The following PLPPR1 variants were observed in gnomAD, a reference collection of about 807,000 sequenced individuals.
PLPPR1 encodes the protein phospholipid phosphatase related 1.
PLPPR1 carries 10 observed loss-of-function variants against 33.1 expected under a neutral mutation model. That is an observed-to-expected ratio of 0.30 (90% CI 0.19 to 0.51). The LOEUF is 0.51. Among genes scored for constraint, PLPPR1 ranks in the 20% least tolerant of loss-of-function variants. The probability of loss-of-function intolerance (pLI) is 0.97; values close to 1 mark genes in which losing one functional copy is unlikely to be tolerated. For synonymous variants in PLPPR1, 151 were observed against 151.0 expected (o/e 1.00, Z 0.00); for missense variants, 304 against 408.1 (o/e 0.74, Z 2.20).
chr9:101,040,990 A>G (rs1830071126), intron 1 of PLPPR1, among the ~76,000 whole-genome samples: 1 of 152,196 alleles, frequency 6.6e-6, no homozygotes, highest in African/African-American at 2.4e-5. Flanking sequence ...AACGCAGGAG[A>G]GCAAGAGAAC....
At chr9:101,197,353 A>T (rs12346158) in intron 2 of PLPPR1, among the ~76,000 whole-genome samples, 19,604 of 152,142 alleles carry the variant, frequency 0.13, 1,517 homozygotes, top group East Asian at 0.3. Flanking sequence ...TCTCACTGTC[A>T]CCTGAACATC....
intron 3 of PLPPR1, among the ~76,000 whole-genome samples, chr9:101,273,206 A>G (rs763762785): frequency 6.6e-6 from 1 of 152,220 alleles, no homozygotes; most frequent in Non-Finnish European, 1.5e-5. Context: ...CTAGAAAAAG[A>G]TAATATGTAT....
chr9:101,108,379 G>A (rs1024285728), intron 1 of PLPPR1, among the ~76,000 whole-genome samples: 1 of 152,196 alleles, frequency 6.6e-6, no homozygotes, highest in African/African-American at 2.4e-5. Context: ...CATAGAATCT[G>A]GTACCCAGTA....
chr9:101,071,624 G>GAGAC lies in PLPPR1; in HGVS notation c.-46+42530_-46+42533dup, dbSNP rs778576818. 3.1e-4 allele frequency among the ~76,000 whole-genome samples: 47 copies of GAGAC among 151,760 alleles called. No homozygotes were observed. The Middle Eastern group carries it at 0.01, about 33-fold the overall frequency. On this transcript the variant is annotated intron_variant, in intron 1 of 7. Transcript: ENST00000374874. ...TGAGAAGGAGAGAGAGAGAGAGAGA[G>GAGAC]AGACAGACAGAGATAGTACAAGATT...
chr9:101,071,173 A>T (rs1307458657), intron 1 of PLPPR1, among the ~76,000 whole-genome samples: 1 of 152,102 alleles, frequency 6.6e-6, no homozygotes, highest in East Asian at 1.9e-4. Flanking sequence ...GCTGAAGAAG[A>T]TAGCATGCAT....
chr9:101,276,760 C>T lies in PLPPR1; in HGVS notation c.252+6692C>T, dbSNP rs1828204989. 2.0e-5 allele frequency among the ~76,000 whole-genome samples: 3 copies of T among 152,324 alleles called. No homozygotes were observed. The South Asian group carries it at 6.2e-4, about 32-fold the overall frequency. ...TATATCAAGTGCCACCTAAAGACAC[C>T]TTCTGAACGGGTGGATGTGGCCTCT... On this transcript the variant is annotated intron_variant, in intron 3 of 7. Coordinates refer to ENST00000374874, the MANE Select transcript of PLPPR1 (RefSeq NM_207299.2).
chr9:101,196,666 C>T (rs1826399520), intron 2 of PLPPR1, among the ~76,000 whole-genome samples: 1 of 152,070 alleles, frequency 6.6e-6, no homozygotes, highest in Non-Finnish European at 1.5e-5. Context: ...TTGAGACCAT[C>T]CTGGCTAACA....
rs542766027 is a variant in PLPPR1, at chr9:101,178,465, C to T, written c.-45-6985C>T. 8.5e-5 allele frequency among the ~76,000 whole-genome samples: 13 copies of T among 152,304 alleles called. No homozygotes were observed. The East Asian group carries it at 1.4e-3, about 16-fold the overall frequency. The stretch of plus-strand genomic sequence containing the variant: ...CAGATATGGGTTTGCCTATCCTTCA[C>T]GCAATGCTTCTGGCAAGACTATCAT... On this transcript the variant is annotated intron_variant, in intron 1 of 7. Transcript: ENST00000374874.
At chr9:101,054,060 T>TAC (rs1342341208) in intron 1 of PLPPR1, among the ~76,000 whole-genome samples, 1 of 152,042 alleles carries the variant, frequency 6.6e-6, no homozygotes, top group Non-Finnish European at 1.5e-5. Flanking sequence ...GGCACACACC[T>TAC]GTAGTTTCAG....
intron 2 of PLPPR1, among the ~76,000 whole-genome samples, chr9:101,202,924 A>C (rs1453652408): frequency 6.6e-6 from 1 of 152,206 alleles, no homozygotes; most frequent in East Asian, 1.9e-4. Flanking sequence ...TTGTAAGAAA[A>C]TGGTGAGTAC....
intron 2 of PLPPR1, among the ~76,000 whole-genome samples, chr9:101,206,649 G>C (rs1159067167): frequency 6.6e-6 from 1 of 152,122 alleles, no homozygotes; most frequent in Non-Finnish European, 1.5e-5. Context: ...TCTTGAAAAG[G>C]GTTGGACATG....
At position 101,269,249 on chromosome 9, in the gene PLPPR1, C is replaced by A. The variant is rs144146937; in HGVS notation, c.64-631C>A. 8.0e-4 allele frequency among the ~76,000 whole-genome samples: 122 copies of A among 151,880 alleles called. No individual in the cohort carries two copies. The Middle Eastern group carries it at 0.01, about 13-fold the overall frequency. ...AAGGCTATATTTCTATAATAAGATA[C>A]GATCATCAGCAAAGTCCTTGACTTA... On this transcript the variant is annotated intron_variant, in intron 2 of 7. Transcript: ENST00000374874.
At chr9:101,051,192 T>C (rs1441710340) in intron 1 of PLPPR1, among the ~76,000 whole-genome samples, 1 of 152,138 alleles carries the variant, frequency 6.6e-6, no homozygotes, top group Non-Finnish European at 1.5e-5. Flanking sequence ...TGTAATTATT[T>C]TGCCCATAAG....
chr9:101,149,390 T>C (rs1831556447), intron 1 of PLPPR1, among the ~76,000 whole-genome samples: 1 of 152,172 alleles, frequency 6.6e-6, no homozygotes, highest in South Asian at 2.1e-4. Flanking sequence ...CTGGGACTTA[T>C]CTATGAGGAC....
chr9:101,279,397 C>G (rs1464832879), intron 3 of PLPPR1, among the ~76,000 whole-genome samples: 1 of 152,040 alleles, frequency 6.6e-6, no homozygotes, highest in Non-Finnish European at 1.5e-5. Context: ...ATTTCAACAC[C>G]CCACTTTCAG....
At chr9:101,074,509 G>A (rs573666942) in intron 1 of PLPPR1, among the ~76,000 whole-genome samples, 1 of 152,166 alleles carries the variant, frequency 6.6e-6, no homozygotes, top group East Asian at 1.9e-4. Context: ...TAAGCATCAA[G>A]GCTCTGTCCA....
Position 101,183,691 on chromosome 9 carries a change from T to TTG in PLPPR1, c.-45-1725_-45-1724dup, listed in dbSNP as rs66895172. On this transcript the variant is annotated intron_variant, in intron 1 of 7. Coordinates refer to ENST00000374874, the MANE Select transcript of PLPPR1 (RefSeq NM_207299.2). The stretch of plus-strand genomic sequence containing the variant: ...CCTCACTGTAGTTACTCCCGTCTCT[T>TTG]TGTGTGTGTGTGTGTGTGTGTGTGT... Among the ~76,000 whole-genome samples the TTG allele has an allele frequency of 2.2e-3, 324 of 150,244 alleles. 2 individuals are homozygous for TTG. Among genetic ancestry groups the TTG allele is most frequent in the South Asian group, 8.8e-3 (42 of 4,774 alleles).
chr9:101,281,521 A>G (rs1035243163), intron 3 of PLPPR1, among the ~76,000 whole-genome samples: 5 of 152,266 alleles, frequency 3.3e-5, no homozygotes, highest in Non-Finnish European at 7.4e-5. Flanking sequence ...CTACAGAGCT[A>G]TAATAACCAA....
chr9:101,269,739 C>T lies in PLPPR1; in HGVS notation c.64-141C>T, dbSNP rs879446216. 84 of 749,916 alleles carry T rather than the reference C, an allele frequency of 1.1e-4. 1 individual carries two copies. Among genetic ancestry groups the T allele is most frequent in the South Asian group, 6.0e-4 (38 of 63,478 alleles). The allele number at this position is 749,916 out of a possible 1,614,324, so 46.5% of individuals were successfully genotyped here. A position where few individuals can be genotyped will look rare whatever the true frequency, so the allele number is the denominator to read the frequency against. On this transcript the variant is annotated intron_variant, in intron 2 of 7. Coordinates refer to ENST00000374874, the MANE Select transcript of PLPPR1 (RefSeq NM_207299.2). Reference sequence around the variant, plus strand: ...CAAGCAAGCACACACTCCCAGAGCACGCTGCGCCTGGCACGCACACACTCG... The same window carrying T: ...CAAGCAAGCACACACTCCCAGAGCATGCTGCGCCTGGCACGCACACACTCG...
Sources: allele counts gnomAD v4.1 joint callset (sites outside exome capture counted in the v4.1 genomes callset), GRCh38; gene constraint gnomAD v4.1.1; transcripts MANE v1.5; gene names NCBI Gene and HGNC (gene_info 2026-07-23, HGNC 2026-07-21).